The following AUTS2 variants were observed in gnomAD, a reference collection of about 807,000 sequenced individuals.
AUTS2 encodes autism susceptibility gene 2 protein.
A neutral mutation model predicts 112.4 loss-of-function variants in AUTS2; 17 were observed. The ratio of observed to expected loss-of-function variants is 0.15; its 90% confidence interval spans 0.10 to 0.23. AUTS2 has a LOEUF of 0.23. Among genes scored for constraint, AUTS2 ranks in the 10% least tolerant of loss-of-function variants. AUTS2 has a pLI of 1.00. For missense variants in AUTS2, 1,510 were observed against 1,701.6 expected (o/e 0.89, Z 1.98); for synonymous variants, 751 against 702.7 (o/e 1.07, Z -1.09).
intron 5 of AUTS2, among the ~76,000 whole-genome samples, chr7:70,469,623 GGTTT>G (rs1351064271): frequency 6.6e-6 from 1 of 152,018 alleles, no homozygotes; most frequent in Non-Finnish European, 1.5e-5. Flanking sequence ...TCCGACTCGT[GGTTT>G]GTTTTTGTTT....
chr7:70,014,526 A>G (rs1269922343), intron 2 of AUTS2, among the ~76,000 whole-genome samples: 2 of 152,218 alleles, frequency 1.3e-5, no homozygotes, highest in African/African-American at 2.4e-5. Context: ...GAAGATTTCA[A>G]TGTTAATGTC....
intron 5 of AUTS2, among the ~76,000 whole-genome samples, chr7:70,641,714 C>G (rs1265589843): frequency 6.6e-6 from 1 of 152,288 alleles, no homozygotes; most frequent in South Asian, 2.1e-4. Flanking sequence ...CTCCCCAATT[C>G]TCAGACACCC....
intron 1 of AUTS2, among the ~76,000 whole-genome samples, chr7:69,781,527 C>T (rs1246389273): frequency 6.6e-6 from 1 of 152,212 alleles, no homozygotes; most frequent in Non-Finnish European, 1.5e-5. Flanking sequence ...CTAAGGAGAA[C>T]TGCCTTCTTT....
At chr7:70,207,290 GTC>G (rs1810621289) in intron 4 of AUTS2, among the ~76,000 whole-genome samples, 1 of 152,118 alleles carries the variant, frequency 6.6e-6, no homozygotes, top group African/African-American at 2.4e-5. Context: ...ATAATTACCA[GTC>G]TCTTCTCACA....
chr7:69,720,802 T>A (rs1798891816), intron 1 of AUTS2, among the ~76,000 whole-genome samples: 1 of 152,112 alleles, frequency 6.6e-6, no homozygotes, highest in African/African-American at 2.4e-5. Flanking sequence ...CCCAACGTAT[T>A]TCAGGGAGAT....
chr7:70,309,340 A>G (rs1789631621), intron 4 of AUTS2, among the ~76,000 whole-genome samples: 1 of 152,218 alleles, frequency 6.6e-6, no homozygotes, highest in African/African-American at 2.4e-5. Flanking sequence ...GGGAGAGCCT[A>G]AAATCATAAG....
chr7:70,617,084 C>T (rs927621705), intron 5 of AUTS2, among the ~76,000 whole-genome samples: 2 of 152,206 alleles, frequency 1.3e-5, no homozygotes, highest in Non-Finnish European at 2.9e-5. Flanking sequence ...ACAGCTACAG[C>T]TGGGTGACCA....
At chr7:70,036,787 G>A (rs1461311272) in intron 2 of AUTS2, among the ~76,000 whole-genome samples, 1 of 152,236 alleles carries the variant, frequency 6.6e-6, no homozygotes, top group Non-Finnish European at 1.5e-5. Flanking sequence ...GTCACTGGCT[G>A]TGCAGGCACT....
At chr7:70,425,949 A>G (rs1795419292) in intron 4 of AUTS2, among the ~76,000 whole-genome samples, 1 of 152,182 alleles carries the variant, frequency 6.6e-6, no homozygotes, top group Non-Finnish European at 1.5e-5. Flanking sequence ...TATACAAATT[A>G]TATGTTTATT....
intron 4 of AUTS2, among the ~76,000 whole-genome samples, chr7:70,285,886 G>A (rs1788435440): frequency 6.6e-6 from 1 of 152,154 alleles, no homozygotes. Flanking sequence ...CATCCCAGCA[G>A]GCAAGACCTA....
intron 6 of AUTS2, among the ~76,000 whole-genome samples, chr7:70,729,430 GAAC>G (rs1431257460): frequency 1.3e-5 from 2 of 152,170 alleles, no homozygotes; most frequent in Admixed American, 1.3e-4. Flanking sequence ...TTCTTTCCAG[GAAC>G]GTGTCCCTAC....
At chr7:70,102,193 A>T (rs1430542736) in intron 2 of AUTS2, among the ~76,000 whole-genome samples, 1 of 140,706 alleles carries the variant, frequency 7.1e-6, no homozygotes, top group Non-Finnish European at 1.5e-5. Context: ...ATCTCGGCTC[A>T]CCGCAAGCTC....
intron 4 of AUTS2, among the ~76,000 whole-genome samples, chr7:70,383,610 T>C (rs559944695): frequency 1.3e-5 from 2 of 152,328 alleles, no homozygotes; most frequent in Non-Finnish European, 2.9e-5. Flanking sequence ...ATGCTATCAC[T>C]AATTAGCCAG....
intron 1 of AUTS2, among the ~76,000 whole-genome samples, chr7:69,840,636 A>G (rs974872215): frequency 6.6e-6 from 1 of 152,230 alleles, no homozygotes; most frequent in African/African-American, 2.4e-5. Context: ...CACTGAACAA[A>G]TAAAAATTCT....
intron 4 of AUTS2, among the ~76,000 whole-genome samples, chr7:70,414,927 C>T (rs778354241): frequency 7.9e-5 from 12 of 152,154 alleles, no homozygotes; most frequent in Non-Finnish European, 1.5e-4. Context: ...TCTCCCAGTG[C>T]AGTGGATCCA....
chr7:70,656,033 T>A (rs1331727618), intron 5 of AUTS2, among the ~76,000 whole-genome samples: 5 of 152,126 alleles, frequency 3.3e-5, no homozygotes, highest in African/African-American at 1.2e-4. Flanking sequence ...TTGGATGTTG[T>A]GTGTTATCCA....
chr7:69,912,246 G>A (rs565009592), intron 2 of AUTS2, among the ~76,000 whole-genome samples: 8 of 152,296 alleles, frequency 5.3e-5, no homozygotes, highest in Admixed American at 2.6e-4. Flanking sequence ...GCCAGGTAGC[G>A]AGAGTAGGCA....
At chr7:70,503,617 A>G (rs967501048) in intron 5 of AUTS2, among the ~76,000 whole-genome samples, 1 of 147,996 alleles carries the variant, frequency 6.8e-6, no homozygotes, top group African/African-American at 2.5e-5. Context: ...CTCCCAGCCC[A>G]AGTAGTCCTC....
At chr7:69,978,128 A>G (rs924631201) in intron 2 of AUTS2, among the ~76,000 whole-genome samples, 1 of 152,130 alleles carries the variant, frequency 6.6e-6, no homozygotes, top group East Asian at 1.9e-4. Context: ...ATTGCCTTTT[A>G]TTATCTTCAT....
Sources: gnomAD v4.1 joint callset for allele counts (sites outside exome capture counted in the v4.1 genomes callset) on GRCh38, gnomAD v4.1.1 for gene constraint, MANE v1.5 for transcripts, NCBI Gene and HGNC (gene_info 2026-07-23, HGNC 2026-07-21) for gene names.